Variants in ASXL1 observed in about 807,000 individuals in gnomAD.
ASXL1 encodes polycomb group protein ASXL1.
Under a neutral mutation model 89.1 loss-of-function variants are expected in ASXL1, and 65 were observed. The ratio of observed to expected loss-of-function variants is 0.73; its 90% CI spans 0.60 to 0.90. The LOEUF (loss-of-function observed/expected upper bound fraction) is 0.90. ASXL1 is among the 40% of genes least tolerant of loss of function. The pLI is 0.00. For synonymous variants in ASXL1, 739 were observed against 746.9 expected (o/e 0.99, Z 0.17); for missense variants, 1,786 against 1,942.9 (o/e 0.92, Z 1.52).
At chr20:32,375,534 T>A (rs192456495) in intron 4 of ASXL1, among the ~76,000 whole-genome samples, 3 of 152,200 alleles carry the variant, frequency 2.0e-5, no homozygotes, top group Admixed American at 6.5e-5. Context: ...AACATTGATA[T>A]GATTGTGTAT....
intron 4 of ASXL1, among the ~76,000 whole-genome samples, chr20:32,425,439 A>G (rs1242620903): frequency 2.0e-5 from 3 of 152,204 alleles, no homozygotes; most frequent in Non-Finnish European, 4.4e-5. Context: ...TGTATTCTCA[A>G]ATGCTTGGAT....
intron 4 of ASXL1, among the ~76,000 whole-genome samples, chr20:32,420,600 A>G (rs973955650): frequency 1.3e-5 from 2 of 152,246 alleles, no homozygotes; most frequent in Non-Finnish European, 2.9e-5. Flanking sequence ...AGTAAAAAGT[A>G]TACAGCAAGT....
chr20:32,382,148 A>AT (rs945995285), intron 4 of ASXL1, among the ~76,000 whole-genome samples: 9 of 150,288 alleles, frequency 6.0e-5, no homozygotes, highest in Admixed American at 5.3e-4. Context: ...TTTTATTTTT[A>AT]TTTTTTACTA....
rs994676294 is a variant in ASXL1 at position 32,358,616 on chromosome 20, C to T, written c.-160C>T. 5.2e-6 allele frequency: 1 copy of T among 190,872 alleles called. No individual in the cohort carries two copies. The highest frequency in any genetic ancestry group is 1.0e-5 in the Non-Finnish European group (1 of 97,902). The allele number at this position is 190,872 out of a possible 1,614,324, so 11.8% of individuals were successfully genotyped here. On this transcript the variant is annotated 5_prime_UTR_variant, in exon 1 of 13. Coordinates refer to ENST00000375687, the MANE Select transcript of ASXL1 (RefSeq NM_015338.6). ...CGCCGCTCTCGCGCCAGCCGGTCCC[C>T]GCGTGCCCGCCCCTTCTCCCCGGCC... is the stretch of plus-strand genomic sequence containing the variant.
At position 32,433,869 on chromosome 20, in the gene ASXL1, C is replaced by T. The variant is rs372630902; in HGVS notation, c.1671C>T (p.Thr557=). Residue 557 remains threonine, a synonymous_variant, in exon 12 of 13, where the codon ACC becomes ACT. Transcript: ENST00000375687. ...SFRNTIESVH[T]EKPQPTKEEP... is the part of the protein sequence containing the mutation. ...GTAACACAATTGAAAGTGTTCACACCGAAAAGCCACAGCCCACTAAAGAGG... is the reference window on the plus strand; with the variant it reads ...GTAACACAATTGAAAGTGTTCACACTGAAAAGCCACAGCCCACTAAAGAGG... 101 of 1,613,688 alleles carry T rather than the reference C, an allele frequency of 6.3e-5. 1 individual carries two copies. The Middle Eastern group carries it at 1.3e-3, about 21-fold the overall frequency.
chr20:32,430,320 TAGTAAGTGTTTG>T, intron 8 of ASXL1: 1 of 439,016 alleles, frequency 2.3e-6, no homozygotes, highest in Non-Finnish European at 4.0e-6. Flanking sequence ...TTGTACTGCA[TAGTAAGTGTTTG>T]AGTGAGTGAA....
At chr20:32,393,372 G>T (rs1455518920) in intron 4 of ASXL1, among the ~76,000 whole-genome samples, 2 of 151,752 alleles carry the variant, frequency 1.3e-5, no homozygotes, top group Admixed American at 6.6e-5. Flanking sequence ...GTTTAAAGTG[G>T]TTTTTTTTCC....
rs2011577762 is a variant in ASXL1 at position 32,433,128 on chromosome 20, T to C, written c.1085+143T>C. ...GGGTCATTTATCTTAATGCCATTCATAGTGAAGCTAACAGAAGTTTTTCCA... is the reference window on the plus strand; with the variant it reads ...GGGTCATTTATCTTAATGCCATTCACAGTGAAGCTAACAGAAGTTTTTCCA... On this transcript the variant is annotated intron_variant, in intron 11 of 12. Transcript: ENST00000375687. 3.3e-6 allele frequency: 5 copies of C among 1,530,114 alleles called. No individual in the cohort carries two copies. In the East Asian group the frequency reaches 1.2e-4, roughly 37 times the overall value. 94.8% of individuals were successfully genotyped at this position (1,530,114 alleles called of 1,614,324 possible).
At chr20:32,428,034 C>A in intron 4 of ASXL1, 94 bp from the exon 5 acceptor site, 2 of 1,560,230 alleles carry the variant, frequency 1.3e-6, no homozygotes, top group East Asian at 4.5e-5. Context: ...ATTCTAAATC[C>A]CTCTTTTTCA....
In ASXL1 at chr20:32,436,758, T is replaced by C. The variant is rs2011922573; in HGVS notation, c.4046T>C (p.Val1349Ala). Reference sequence around the variant, plus strand: ...AGCACAAACTCCATGTCTGGTGGGGTACAGACTCCAAGGGAAGACTGGGCT... The same window carrying C: ...AGCACAAACTCCATGTCTGGTGGGGCACAGACTCCAAGGGAAGACTGGGCT... ...GPSTNSMSGG[V>A]QTPREDWAPK... Residue 1349 changes from valine (V) to alanine (A), a missense_variant, in exon 13 of 13, where the codon GTA becomes GCA. This residue lies in a region of ASXL1 where 1,418 missense variants were observed against 1,427.8 expected (regional missense o/e 0.99). Coordinates refer to ENST00000375687, the MANE Select transcript of ASXL1 (RefSeq NM_015338.6). 1 of 1,613,942 alleles carries C rather than the reference T, an allele frequency of 6.2e-7. No homozygotes were observed. Among genetic ancestry groups the C allele is most frequent in the African/African-American group, 1.3e-5 (1 of 74,888 alleles).
At chr20:32,370,965 TAAAAAA>T (rs776902032) in intron 4 of ASXL1, among the ~76,000 whole-genome samples, 3 of 87,378 alleles carry the variant, frequency 3.4e-5, no homozygotes, top group Non-Finnish European at 6.4e-5. Context: ...TTGTCTCTAT[TAAAAAA>T]AAAAAAAAAA....
At chr20:32,381,363 C>A (rs1038100585) in intron 4 of ASXL1, among the ~76,000 whole-genome samples, 1 of 151,954 alleles carries the variant, frequency 6.6e-6, no homozygotes, top group Non-Finnish European at 1.5e-5. Context: ...TGTCACCATG[C>A]CTGGCCAATT....
chr20:32,390,578 T>G lies in ASXL1; in HGVS notation c.252+21455T>G, dbSNP rs1296622369. On this transcript the variant is annotated intron_variant, in intron 4 of 12. Transcript: ENST00000375687. ...GCCTCAAACTCCTGGCCTTAAGTGC[T>G]CCTCCTGCCTCAGCCTCCCAAAGTG... Among the ~76,000 whole-genome samples the G allele has an allele frequency of 2.0e-5, 3 of 152,046 alleles. No individual in the cohort carries two copies. In the East Asian group the frequency reaches 5.9e-4, roughly 30 times the overall value.
intron 1 of ASXL1, chr20:32,359,532 C>T: frequency 1.5e-6 from 1 of 645,930 alleles, no homozygotes; most frequent in Non-Finnish European, 2.8e-6. Flanking sequence ...GTGATTCAAA[C>T]GCAGTGGCTC....
chr20:32,403,225 C>CT (rs2048903963), intron 4 of ASXL1, among the ~76,000 whole-genome samples: 1 of 152,114 alleles, frequency 6.6e-6, no homozygotes, highest in Non-Finnish European at 1.5e-5. Flanking sequence ...AGTTCTATTC[C>CT]TACGCACACT....
At position 32,428,267 on chromosome 20, in the gene ASXL1, A is replaced by G. The variant is rs1024801050; in HGVS notation, c.373+19A>G. 6.2e-7 allele frequency: 1 copy of G among 1,614,150 alleles called. No homozygotes were observed. The highest frequency in any genetic ancestry group is 1.3e-5 in the African/African-American group (1 of 75,028). ...AACGATGGTAAGGACCCTTTAATGG[A>G]TGGGTGAGGGAGCCACAGCAGGCAC... On this transcript the variant is annotated intron_variant, in intron 5 of 12. Transcript: ENST00000375687.
chr20:32,390,627 T>A (rs1429791476), intron 4 of ASXL1, among the ~76,000 whole-genome samples: 3 of 152,088 alleles, frequency 2.0e-5, no homozygotes, highest in African/African-American at 7.2e-5. Context: ...AATGAGCCAG[T>A]GTGCCCTGCC....
At chr20:32,369,320 C>T (rs1227597653) in intron 4 of ASXL1, among the ~76,000 whole-genome samples, 197 bp downstream of exon 4, 1 of 152,120 alleles carries the variant, frequency 6.6e-6, no homozygotes, top group African/African-American at 2.4e-5. Flanking sequence ...GAGATCTCGG[C>T]TCACTGCAAT....
At chr20:32,433,014 T>G (rs774905502) in intron 11 of ASXL1, 29 bp downstream of exon 11, 1 of 1,611,906 alleles carries the variant, frequency 6.2e-7, no homozygotes, top group South Asian at 1.1e-5. Flanking sequence ...TGAGTCCTGG[T>G]CTGGGGTTTT....
Sources: gnomAD v4.1 joint callset for allele counts (sites outside exome capture counted in the v4.1 genomes callset) on GRCh38, gnomAD v4.1.1 for gene constraint, gnomAD v4.1.1 regional missense constraint, MANE v1.5 for transcripts, NCBI Gene and HGNC (gene_info 2026-07-23, HGNC 2026-07-21) for gene names.